SYNE2: variants seen among roughly 807,000 people sequenced by gnomAD.
The protein encoded by SYNE2 is nesprin-2.
SYNE2 carries 431 observed loss-of-function variants against 856.3 expected under a neutral mutation model. That is an observed-to-expected ratio of 0.50 (90% CI 0.47 to 0.55). The LOEUF (loss-of-function observed/expected upper bound fraction) is 0.55, where lower values mean the gene tolerates loss of function less well. Ranked by LOEUF, SYNE2 falls within the 20% of genes least tolerant of loss-of-function variation. SYNE2 has a pLI of 0.00. For missense variants in SYNE2, 8,129 were observed against 8,023.2 expected (o/e 1.01, Z -0.50); for synonymous variants, 2,923 against 2,872.3 (o/e 1.02, Z -0.56).
chr14:64,125,133 C>T lies in SYNE2; in HGVS notation c.13477C>T (p.Pro4493Ser), dbSNP rs2097929779. The change falls in exon 71 of 116, where the codon CCA (proline) becomes TCA (serine). Residue 4493 changes from proline to serine, a missense_variant. Physicochemically the swap from Pro to Ser is moderately conservative, Grantham distance 74. Coordinates refer to ENST00000555002, the MANE Select transcript of SYNE2 (RefSeq NM_182914.3). ...CGTGACTATGTATAACTTTAGATACCCAACAACTGAAGAACTGAAAACCTA... is the reference window on the plus strand; with the variant it reads ...CGTGACTATGTATAACTTTAGATACTCAACAACTGAAGAACTGAAAACCTA... ...PSVTMYNFRY[P>S]TTEELKTYTT... The T allele has an allele frequency of 6.2e-7, 1 of 1,613,858 alleles. No individual in the cohort carries two copies. The highest frequency in any genetic ancestry group is 1.3e-5 in the African/African-American group (1 of 74,842).
chr14:64,180,695 G>T (rs1207643366), intron 96 of SYNE2, among the ~76,000 whole-genome samples: 1 of 151,956 alleles, frequency 6.6e-6, no homozygotes, highest in Non-Finnish European at 1.5e-5. Context: ...GTAGAGACGG[G>T]GTTTCACCAT....
chr14:64,032,751 T>C (rs921957883), intron 45 of SYNE2, among the ~76,000 whole-genome samples: 1 of 152,236 alleles, frequency 6.6e-6, no homozygotes, highest in Admixed American at 6.5e-5. Context: ...TTTGTATTTT[T>C]AGTAGAAGAT....
chr14:64,056,375 T>C, intron 49 of SYNE2, 109 bp downstream of exon 49: 1 of 1,057,912 alleles, frequency 9.5e-7, no homozygotes, highest in Non-Finnish European at 1.4e-6. Flanking sequence ...TTTTTTTCTC[T>C]GTCATTAACA....
chr14:64,026,522 A>G (rs1213956344), intron 41 of SYNE2, 57 bp from the exon 42 acceptor site: 3 of 1,322,668 alleles, frequency 2.3e-6, no homozygotes, highest in Non-Finnish European at 3.2e-6. Flanking sequence ...AAGAGATAGC[A>G]TGTAGTATCT....
chr14:64,103,064 T>G (rs72720338), intron 64 of SYNE2, among the ~76,000 whole-genome samples: 3 of 152,180 alleles, frequency 2.0e-5, no homozygotes, highest in African/African-American at 7.2e-5. Flanking sequence ...GATGGACACT[T>G]CGGTTGCTTC....
intron 94 of SYNE2, among the ~76,000 whole-genome samples, chr14:64,173,204 G>T (rs868015612): frequency 6.6e-6 from 1 of 152,188 alleles, no homozygotes; most frequent in African/African-American, 2.4e-5. Context: ...CCGTATTTTG[G>T]AGTGTCGGTT....
intron 101 of SYNE2, 182 bp from the exon 102 acceptor site, chr14:64,209,246 C>A: frequency 9.6e-7 from 1 of 1,040,292 alleles, no homozygotes; most frequent in Non-Finnish European, 1.4e-6. Flanking sequence ...GAAGCAGGAG[C>A]TCTGAGCTGC....
chr14:63,828,972 A>G (rs1889565770), intron 1 of SYNE2, among the ~76,000 whole-genome samples: 1 of 152,122 alleles, frequency 6.6e-6, no homozygotes, highest in Admixed American at 6.6e-5. Context: ...TGAAACTCCA[A>G]TGAGATGCCA....
chr14:64,168,775 C>G, intron 92 of SYNE2, 102 bp from the exon 93 acceptor site: 1 of 820,646 alleles, frequency 1.2e-6, no homozygotes, highest in Non-Finnish European at 2.0e-6. Flanking sequence ...TTAATTATCC[C>G]TCATATCCTT....
At chr14:64,013,660 G>A (rs1452827767) in intron 32 of SYNE2, among the ~76,000 whole-genome samples, 3 of 152,168 alleles carry the variant, frequency 2.0e-5, no homozygotes, top group African/African-American at 7.2e-5. Context: ...GTGTTCCAGT[G>A]CAGAGTTCTG....
chr14:64,199,516 G>C (rs529145606), intron 99 of SYNE2, among the ~76,000 whole-genome samples: 2 of 151,970 alleles, frequency 1.3e-5, no homozygotes, highest in African/African-American at 2.4e-5. Flanking sequence ...TCAGGAGTTC[G>C]AGACCAGCCT....
chr14:63,819,137 A>T lies in SYNE2; in HGVS notation c.-304-33364A>T, dbSNP rs527611698. 2.0e-5 allele frequency among the ~76,000 whole-genome samples: 3 copies of T among 152,320 alleles called. No homozygotes were observed. The South Asian group carries it at 6.2e-4, about 32-fold the overall frequency. ...TTGCTCAAACAGAAAATCCTTTGAC[A>T]TTAAAAAAAAGAAAGTTACTAGAAC... On this transcript the variant is annotated intron_variant, in intron 1 of 23. Transcript: ENST00000674003.
chr14:63,948,166 TACACACACACACACAC>T (rs59063086), intron 6 of SYNE2, among the ~76,000 whole-genome samples: 1 of 147,360 alleles, frequency 6.8e-6, no homozygotes, highest in East Asian at 2.0e-4. Flanking sequence ...GACACACACA[TACACACACACACACAC>T]ACACACACAC....
intron 107 of SYNE2, chr14:64,215,687 G>T: frequency 1.4e-5 from 6 of 438,310 alleles, no homozygotes; most frequent in Middle Eastern, 6.5e-4. Context: ...TGGTGGCTTG[G>T]TTTGGAACTG....
chr14:64,043,956 C>A (rs1308434615), intron 45 of SYNE2, among the ~76,000 whole-genome samples: 2 of 152,186 alleles, frequency 1.3e-5, no homozygotes, highest in Non-Finnish European at 2.9e-5. Flanking sequence ...TTCCTAGGTT[C>A]AAGTGATCCT....
At chr14:64,049,538 A>G in intron 46 of SYNE2, 73 bp from the exon 47 acceptor site, 1 of 1,517,882 alleles carries the variant, frequency 6.6e-7, no homozygotes, top group Non-Finnish European at 9.1e-7. Context: ...TATCTCAAAG[A>G]GGAAAGAAGA....
At chr14:64,142,540 C>G (rs1174985033) in intron 82 of SYNE2, among the ~76,000 whole-genome samples, 1 of 152,136 alleles carries the variant, frequency 6.6e-6, no homozygotes, top group Non-Finnish European at 1.5e-5. Context: ...TTTGCAAATC[C>G]ACCCCTGACT....
At position 63,841,832 on chromosome 14, in the gene SYNE2, C is replaced by CTTTT. The variant is rs34947861; in HGVS notation, c.-304-10654_-304-10651dup. ...CATTTTTCTTTTTCTTTCTTTCTTT[C>CTTTT]TTTTTTTTTTTTTTTTTTGAGACAT... On this transcript the variant is annotated intron_variant, in intron 1 of 23. Coordinates refer to the SYNE2 transcript ENST00000674003. 1.5e-3 allele frequency among the ~76,000 whole-genome samples: 172 copies of CTTTT among 114,980 alleles called. 1 individual carries two copies. Among genetic ancestry groups the CTTTT allele is most frequent in the East Asian group, 2.5e-3 (10 of 3,960 alleles). The allele number at this position is 114,980 out of a possible 152,430, so 75.4% of individuals were successfully genotyped here.
intron 112 of SYNE2, among the ~76,000 whole-genome samples, chr14:64,221,917 C>T (rs545953873): frequency 1.3e-5 from 2 of 152,080 alleles, no homozygotes; most frequent in Admixed American, 6.5e-5. Flanking sequence ...AATGGAGAGC[C>T]ACAGTCCACA....
Sources: allele counts gnomAD v4.1 joint callset (sites outside exome capture counted in the v4.1 genomes callset), GRCh38; gene constraint gnomAD v4.1.1; transcripts MANE v1.5; gene names NCBI Gene and HGNC (gene_info 2026-07-23, HGNC 2026-07-21).